The following CFAP20DC variants were observed in gnomAD, a reference collection of about 807,000 sequenced individuals.
CFAP20DC encodes CFAP20 domain containing.
CFAP20DC carries 84 observed loss-of-function variants against 101.7 expected under a neutral mutation model. The ratio of observed to expected loss-of-function variants is 0.83; its 90% confidence interval spans 0.69 to 0.99. The LOEUF is 0.99. CFAP20DC is among the 50% of genes least tolerant of loss of function. The pLI is 0.00. For missense variants in CFAP20DC, 1,007 were observed against 970.3 expected (o/e 1.04, Z -0.50); for synonymous variants, 359 against 351.2 (o/e 1.02, Z -0.25).
intron 12 of CFAP20DC, among the ~76,000 whole-genome samples, chr3:58,852,091 T>C (rs2078293872): frequency 6.6e-6 from 1 of 152,114 alleles, no homozygotes; most frequent in South Asian, 2.1e-4. Context: ...TGGTCCACTT[T>C]TGCTTTGACT....
intron 12 of CFAP20DC, among the ~76,000 whole-genome samples, chr3:58,852,244 T>C (rs1008243435): frequency 1.3e-5 from 2 of 152,110 alleles, no homozygotes; most frequent in Non-Finnish European, 2.9e-5. Flanking sequence ...AAAATTTCCA[T>C]TGAAAGCTCT....
chr3:58,976,287 G>C (rs368029675), intron 4 of CFAP20DC, among the ~76,000 whole-genome samples: 2 of 152,182 alleles, frequency 1.3e-5, no homozygotes, highest in African/African-American at 2.4e-5. Flanking sequence ...TGAAAGTAAA[G>C]GTAGGTGGGG....
intron 4 of CFAP20DC, among the ~76,000 whole-genome samples, chr3:58,955,893 C>T (rs1451501393): frequency 6.6e-6 from 1 of 151,498 alleles, no homozygotes; most frequent in Non-Finnish European, 1.5e-5. Flanking sequence ...CATGAGGCCC[C>T]CTTTCCAGGC....
At chr3:58,766,968 A>C (rs1243542160) in intron 15 of CFAP20DC, among the ~76,000 whole-genome samples, 1 of 152,202 alleles carries the variant, frequency 6.6e-6, no homozygotes, top group Non-Finnish European at 1.5e-5. Flanking sequence ...CTTTTAGAGC[A>C]ACTGTGATCT....
rs958556851 is a variant in CFAP20DC, at chr3:58,913,338, G to T, written c.550+370C>A. Among the ~76,000 whole-genome samples, 2 of 152,008 alleles carry T rather than the reference G, an allele frequency of 1.3e-5. No homozygotes were observed. The highest frequency in any genetic ancestry group is 4.8e-5 in the African/African-American group (2 of 41,384). On this transcript the variant is annotated intron_variant, in intron 6 of 16. Transcript: ENST00000482387. This position sits in a 1 kb window ranked among gnomAD's most constrained non-coding sequence, Gnocchi z 4.4. ...GATTCTTCTTGACTATAGGCTCTCA[G>T]CTGACTCTCTAAATATCCTTGAGAT...
intron 15 of CFAP20DC, among the ~76,000 whole-genome samples, chr3:58,785,738 T>C (rs1169019972): frequency 2.0e-5 from 3 of 152,074 alleles, no homozygotes; most frequent in Non-Finnish European, 4.4e-5. Context: ...CCCCAAAATA[T>C]GCTTCCGTGA....
intron 4 of CFAP20DC, chr3:58,992,505 C>T: frequency 1.1e-6 from 1 of 934,236 alleles, no homozygotes; most frequent in Non-Finnish European, 1.3e-6. Context: ...AAAAAAACCT[C>T]ACCTCGTTCT....
intron 7 of CFAP20DC, among the ~76,000 whole-genome samples, chr3:58,883,879 A>G (rs1009597910): frequency 6.6e-6 from 1 of 152,186 alleles, no homozygotes; most frequent in Non-Finnish European, 1.5e-5. Flanking sequence ...TCTAGACAAT[A>G]TTAAATTTCT....
intron 4 of CFAP20DC, among the ~76,000 whole-genome samples, chr3:59,023,485 T>C (rs2093840387): frequency 2.0e-5 from 3 of 151,898 alleles, no homozygotes; most frequent in Admixed American, 6.6e-5. Context: ...TGGGATTAGG[T>C]TGGATGAAAA....
intron 4 of CFAP20DC, among the ~76,000 whole-genome samples, chr3:58,962,727 T>C (rs1028141322): frequency 6.6e-6 from 1 of 152,166 alleles, no homozygotes; most frequent in Non-Finnish European, 1.5e-5. Flanking sequence ...GCTTTTACTC[T>C]CTGCTAGGCC....
At position 59,040,348 on chromosome 3, in the gene CFAP20DC, T is replaced by C. The variant is rs1280669510; in HGVS notation, c.206-719A>G. Among the ~76,000 whole-genome samples, 3 of 152,058 alleles carry C rather than the reference T, an allele frequency of 2.0e-5. No individual in the cohort carries two copies. In the East Asian group the frequency reaches 5.8e-4, roughly 29 times the overall value. ...TTCTACAACTGCTTAAAAAATCAAT[T>C]GATTTTATATTACCTCTCCAGATCT... On this transcript the variant is annotated intron_variant, in intron 3 of 16. Coordinates refer to ENST00000482387, the MANE Select transcript of CFAP20DC (RefSeq NM_001394063.1).
intron 4 of CFAP20DC, among the ~76,000 whole-genome samples, chr3:58,950,622 C>T (rs1014461049): frequency 1.3e-5 from 2 of 152,202 alleles, no homozygotes; most frequent in Non-Finnish European, 2.9e-5. Context: ...CTACAACCAT[C>T]TGATCTTTGA....
intron 15 of CFAP20DC, among the ~76,000 whole-genome samples, chr3:58,765,507 A>AAC (rs1553651634): frequency 4.8e-5 from 7 of 146,656 alleles, no homozygotes; most frequent in African/African-American, 1.8e-4. Flanking sequence ...AAAAAAAAAA[A>AAC]CAAACAGAAA....
At chr3:59,017,800 C>G (rs906792651) in intron 4 of CFAP20DC, 1 of 152,064 alleles carries the variant, frequency 6.6e-6, no homozygotes, top group Admixed American at 6.6e-5. Flanking sequence ...AGAGGTAGGG[C>G]AGGCTTCAGG....
intron 15 of CFAP20DC, among the ~76,000 whole-genome samples, chr3:58,800,282 G>A (rs143683687): frequency 1.3e-5 from 2 of 152,314 alleles, no homozygotes; most frequent in African/African-American, 2.4e-5. Flanking sequence ...CCAGGTGAGA[G>A]GTGATGGCAA....
intron 5 of CFAP20DC, among the ~76,000 whole-genome samples, chr3:58,918,320 T>A (rs1479747580): frequency 2.6e-5 from 4 of 152,088 alleles, no homozygotes; most frequent in South Asian, 2.1e-4. Flanking sequence ...AAAGACAGGC[T>A]CTACTACCCT....
At chr3:58,936,924 A>G (rs2087741462) in intron 5 of CFAP20DC, among the ~76,000 whole-genome samples, 1 of 150,650 alleles carries the variant, frequency 6.6e-6, no homozygotes, top group African/African-American at 2.4e-5. Flanking sequence ...AAAGTATAAT[A>G]ATAACAAAAT....
At chr3:58,766,530 C>G (rs916140253) in intron 15 of CFAP20DC, among the ~76,000 whole-genome samples, 4 of 152,318 alleles carry the variant, frequency 2.6e-5, no homozygotes, top group Middle Eastern at 3.4e-3. Flanking sequence ...CTCCTCTGTT[C>G]TCCACACTAT....
chr3:58,989,536 T>C (rs1054989684), intron 4 of CFAP20DC, among the ~76,000 whole-genome samples: 10 of 152,118 alleles, frequency 6.6e-5, no homozygotes, highest in African/African-American at 2.4e-4. Context: ...CTTTTTTAGA[T>C]ATTCCACTCT....
Sources: allele counts gnomAD v4.1 joint callset (sites outside exome capture counted in the v4.1 genomes callset), GRCh38; gene constraint gnomAD v4.1.1; non-coding constraint Gnocchi (gnomAD v3.1); transcripts MANE v1.5; gene names NCBI Gene and HGNC (gene_info 2026-07-23, HGNC 2026-07-21).